NUP155: variants seen among roughly 807,000 people sequenced by gnomAD.
NUP155 encodes nuclear pore complex protein Nup155.
NUP155 carries 71 observed loss-of-function variants against 180.4 expected under a neutral mutation model. The ratio of observed to expected loss-of-function variants is 0.39; its 90% CI spans 0.33 to 0.48. The LOEUF is 0.48. NUP155 is among the 20% of genes least tolerant of loss of function. NUP155 has a pLI of 0.91. For missense variants in NUP155, 1,553 were observed against 1,648.9 expected, an observed-to-expected ratio of 0.94 and a Z score of 1.01; for synonymous variants, 582 against 559.5, an observed-to-expected ratio of 1.04 and a Z score of -0.57.
At chr5:37,308,565 G>A (rs1309899134) in intron 24 of NUP155, among the ~76,000 whole-genome samples, 1 of 152,108 alleles carries the variant, frequency 6.6e-6, no homozygotes, top group African/African-American at 2.4e-5. Context: ...GGGCATGGTG[G>A]CAGGCGCCTG....
At chr5:37,328,485 A>C in intron 16 of NUP155, 65 bp from the exon 17 acceptor site, 1 of 1,200,586 alleles carries the variant, frequency 8.3e-7, no homozygotes, top group Non-Finnish European at 1.2e-6. Flanking sequence ...AATGTGATCA[A>C]AATTAGGTAA....
At chr5:37,366,342 T>C (rs559544288) in intron 1 of NUP155, among the ~76,000 whole-genome samples, 1 of 152,288 alleles carries the variant, frequency 6.6e-6, no homozygotes, top group South Asian at 2.1e-4. Flanking sequence ...ATAAGAAAAA[T>C]ACAATAAATA....
chr5:37,317,507 A>C (rs1224723235), intron 21 of NUP155, among the ~76,000 whole-genome samples: 2 of 152,098 alleles, frequency 1.3e-5, no homozygotes, highest in Non-Finnish European at 2.9e-5. Context: ...AAACAAATAA[A>C]AAGTAAAAAT....
Position 37,307,291 on chromosome 5 carries a change from A to T in NUP155, c.2903+6T>A. 1 of 1,613,760 alleles carries T rather than the reference A, an allele frequency of 6.2e-7. No homozygotes were observed. The highest frequency in any genetic ancestry group is 1.1e-5 in the South Asian group (1 of 91,070). On this transcript the variant is annotated splice_donor_region_variant and intron_variant, in intron 25 of 34. Coordinates refer to ENST00000231498, the MANE Select transcript of NUP155 (RefSeq NM_153485.3). ...GATGACAATCTGCTAACGTAATGGA[A>T]TGCACCTTTCTTGGAAGGCCTGAAG...
chr5:37,358,270 G>A, intron 3 of NUP155, 119 bp from the exon 4 acceptor site: 1 of 747,380 alleles, frequency 1.3e-6, no homozygotes, highest in South Asian at 1.4e-5. Context: ...CCTGAGCCCA[G>A]AAGTTCAAGA....
chr5:37,335,497 C>T (rs1225470342), intron 12 of NUP155, among the ~76,000 whole-genome samples: 2 of 151,774 alleles, frequency 1.3e-5, no homozygotes, highest in East Asian at 1.9e-4. Context: ...CTAGACTCAA[C>T]AATTGTTAGC....
At position 37,290,514 on chromosome 5, in the gene NUP155, T is replaced by C. The variant is rs1234223887; in HGVS notation, c.*1386A>G. ...AAAAGAGAGAAAGGAATAGAGTGTT[T>C]TGTTAGCTCTGGTCATTCCCACTCT... is the stretch of plus-strand genomic sequence containing the variant. On this transcript the variant is annotated 3_prime_UTR_variant, in exon 35 of 35. Transcript: ENST00000231498. 6.6e-6 allele frequency: 1 copy of C among 152,136 alleles called. No homozygotes were observed. The highest frequency in any genetic ancestry group is 1.5e-5 in the Non-Finnish European group (1 of 68,016). The allele number at this position is 152,136 out of a possible 1,614,324, so 9.4% of individuals were successfully genotyped here. A position where few individuals can be genotyped will look rare whatever the true frequency, so the allele number is the denominator to read the frequency against.
intron 3 of NUP155, 128 bp from the exon 4 acceptor site, chr5:37,358,279 G>A: frequency 2.8e-6 from 2 of 723,824 alleles, no homozygotes. Context: ...AGAAGTTCAA[G>A]ACCAGCCTGG....
In NUP155 at chr5:37,327,762, CAGG is replaced by C; in HGVS notation, c.1888_1890del (p.Pro630del). 6.2e-7 allele frequency: 1 copy of C among 1,614,064 alleles called. No individual in the cohort carries two copies. On this transcript the variant is annotated inframe_deletion, in exon 18 of 35. Transcript: ENST00000231498. ...AGAGCACACACTGGAGTTGACATGGCAGGAGGCTGTATACCTTGTACACACATA... is the reference window on the plus strand; with the variant it reads ...AGAGCACACACTGGAGTTGACATGGCAGGCTGTATACCTTGTACACACATA...
At chr5:37,339,317 A>G (rs1745559543) in intron 11 of NUP155, among the ~76,000 whole-genome samples, 1 of 151,888 alleles carries the variant, frequency 6.6e-6, no homozygotes, top group Non-Finnish European at 1.5e-5. Context: ...CAAAAAAAAA[A>G]AAAAAAAAGG....
intron 4 of NUP155, among the ~76,000 whole-genome samples, chr5:37,355,395 C>G (rs2111636296): frequency 6.6e-6 from 1 of 151,740 alleles, no homozygotes; most frequent in East Asian, 2.0e-4. Flanking sequence ...GAAATTCCAG[C>G]TACTCAGGAG....
At chr5:37,292,658 A>G (rs1311495465) in intron 34 of NUP155, among the ~76,000 whole-genome samples, 1 of 152,242 alleles carries the variant, frequency 6.6e-6, no homozygotes, top group Non-Finnish European at 1.5e-5. Flanking sequence ...CTAAAGTAGA[A>G]GAAATGAATA....
intron 1 of NUP155, among the ~76,000 whole-genome samples, chr5:37,367,616 T>G (rs217844): frequency 0.66 from 98,568 of 148,906 alleles, 37,759 homozygotes; most frequent in East Asian, 0.87. Flanking sequence ...CACTGCAAGC[T>G]CCGCCTCCCG....
At chr5:37,363,858 C>T (rs1747374370) in intron 3 of NUP155, 30 bp downstream of exon 3, 1 of 1,423,110 alleles carries the variant, frequency 7.0e-7, no homozygotes, top group South Asian at 1.1e-5. Context: ...TTCCAATCAC[C>T]CTTAAAGCAA....
At position 37,293,743 on chromosome 5, in the gene NUP155, T is replaced by C. The variant is rs1469080791; in HGVS notation, c.3930+586A>G. 1.6e-5 allele frequency among the ~76,000 whole-genome samples: 2 copies of C among 122,732 alleles called. 1 individual carries two copies. The highest frequency in any genetic ancestry group is 3.0e-5 in the Non-Finnish European group (2 of 65,980). 80.5% of individuals were successfully genotyped at this position (122,732 alleles called of 152,430 possible). A position where few individuals can be genotyped will look rare whatever the true frequency, so the allele number is the denominator to read the frequency against. ...GGCCGGGCGCGGTGGCTCACGCCTG[T>C]AATCCCAGCACTTTGGGAGGCCGAG... On this transcript the variant is annotated intron_variant, in intron 33 of 34. Coordinates refer to ENST00000231498, the MANE Select transcript of NUP155 (RefSeq NM_153485.3).
chr5:37,308,997 T>C, intron 24 of NUP155, 132 bp downstream of exon 24: 1 of 833,196 alleles, frequency 1.2e-6, no homozygotes, highest in Non-Finnish European at 2.0e-6. Context: ...CTACGTCCTT[T>C]CACTCGGCCT....
intron 10 of NUP155, 151 bp downstream of exon 10, chr5:37,342,398 C>G: frequency 5.0e-6 from 3 of 598,012 alleles, no homozygotes; most frequent in Non-Finnish European, 9.0e-6. Context: ...GAAAAATCTC[C>G]CAGTTTTCAA....
Position 37,324,045 on chromosome 5 carries a change from C to A in NUP155, c.2154G>T (p.Gln718His). ...ACTGGGAGTTTCTGTCTAGAAATTC[C>A]TGCAAACCCTTTAGTTCTTGTAGCA... is the stretch of plus-strand genomic sequence containing the variant. ...ESVLQELKGL[Q>H]EFLDRNSQFA... The change falls in exon 20 of 35, where the codon CAG becomes CAT. Residue 718 changes from glutamine (Q) to histidine (H), a missense_variant. Transcript: ENST00000231498. 6.2e-7 allele frequency: 1 copy of A among 1,613,878 alleles called. No individual in the cohort carries two copies. The highest frequency in any genetic ancestry group is 8.5e-7 in the Non-Finnish European group (1 of 1,179,870).
intron 18 of NUP155, among the ~76,000 whole-genome samples, chr5:37,326,982 A>G (rs895010047): frequency 1.5e-4 from 23 of 152,160 alleles, no homozygotes; most frequent in African/African-American, 5.1e-4. Context: ...CAGCCTACTC[A>G]GCGTGAAGAC....
Sources: allele counts gnomAD v4.1 joint callset (sites outside exome capture counted in the v4.1 genomes callset), GRCh38; gene constraint gnomAD v4.1.1; transcripts MANE v1.5; gene names NCBI Gene and HGNC (gene_info 2026-07-23, HGNC 2026-07-21).